CRACD: variants seen among roughly 807,000 people sequenced by gnomAD.
CRACD encodes the protein capping protein-inhibiting regulator of actin dynamics.
In CRACD, 56 loss-of-function variants were observed where a neutral mutation model predicts 106.8. The ratio of observed to expected loss-of-function variants is 0.52; its 90% CI spans 0.42 to 0.66. The LOEUF (loss-of-function observed/expected upper bound fraction) is 0.66. CRACD is among the 30% of genes least tolerant of loss of function. CRACD has a pLI of 0.00. For missense variants in CRACD, 1,730 were observed against 1,623.2 expected, an observed-to-expected ratio of 1.07 and a Z score of -1.13; for synonymous variants, 754 against 670.8, an observed-to-expected ratio of 1.12 and a Z score of -1.92.
intron 2 of CRACD, among the ~76,000 whole-genome samples, chr4:56,248,309 G>A (rs1740817692): frequency 6.6e-6 from 1 of 152,128 alleles, no homozygotes; most frequent in South Asian, 2.1e-4. Context: ...GAGGGACCTG[G>A]TGCCGCTCAT....
intron 1 of CRACD, among the ~76,000 whole-genome samples, chr4:56,110,346 C>G (rs1187652152): frequency 1.3e-5 from 2 of 152,028 alleles, no homozygotes; most frequent in Non-Finnish European, 2.9e-5. Context: ...TAGGAACTTA[C>G]TGGAAGATAT....
chr4:56,272,279 G>A lies in CRACD; in HGVS notation c.-188-42G>A, dbSNP rs141654322. 211 of 153,668 alleles carry A rather than the reference G, an allele frequency of 1.4e-3. 1 individual carries two copies. The highest frequency in any genetic ancestry group is 4.6e-3 in the African/African-American group (191 of 41,590). 9.5% of individuals were successfully genotyped at this position (153,668 alleles called of 1,614,324 possible). A position where few individuals can be genotyped will look rare whatever the true frequency, so the allele number is the denominator to read the frequency against. ...TTTGCTCCTTAGGCTTGGAAGTGCA[G>A]CCCTGCCACACTGCAGCATGTGTTT... On this transcript the variant is annotated intron_variant, in intron 2 of 10. Coordinates refer to ENST00000682029, the MANE Select transcript of CRACD (RefSeq NM_001393381.1).
intron 1 of CRACD, among the ~76,000 whole-genome samples, chr4:56,080,497 A>T (rs2412718): frequency 1.3e-5 from 2 of 152,038 alleles, no homozygotes; most frequent in South Asian, 4.1e-4. Flanking sequence ...GCCAGGAAGT[A>T]CTACATCATT....
chr4:56,215,634 CAAT>C (rs754973559), intron 2 of CRACD, among the ~76,000 whole-genome samples: 12 of 152,142 alleles, frequency 7.9e-5, no homozygotes, highest in Middle Eastern at 3.2e-3. Flanking sequence ...GTCTCTAGCA[CAAT>C]GTTACACATA....
At position 56,298,239 on chromosome 4, in the gene CRACD, C is replaced by T. The variant is rs141400149; in HGVS notation, c.10C>T (p.Arg4Trp). 2.9e-4 allele frequency: 471 copies of T among 1,613,976 alleles called. 2 individuals are homozygous for T. The African/African-American group carries it at 5.1e-3, about 18-fold the overall frequency. Residue 4 changes from arginine to tryptophan, a missense_variant, in exon 4 of 11, where the codon CGG (arginine) becomes TGG (tryptophan). Physicochemically the swap from Arg to Trp is moderately radical, Grantham distance 101. This residue lies in a region of CRACD where 1,620 missense variants were observed against 1,481.6 expected (regional missense o/e 1.09). Coordinates refer to ENST00000682029, the MANE Select transcript of CRACD (RefSeq NM_001393381.1). Reference protein sequence around the residue: MGTRAFSHDSIFIP... With the variant: MGTWAFSHDSIFIP... ...GTCCTTCAACTATTCTATGGGAACC[C>T]GGGCATTTTCCCATGACAGTATTTT...
At chr4:56,078,523 C>T (rs1732916538) in intron 1 of CRACD, among the ~76,000 whole-genome samples, 1 of 152,164 alleles carries the variant, frequency 6.6e-6, no homozygotes, top group Non-Finnish European at 1.5e-5. Flanking sequence ...CCTCCTGCCT[C>T]AGCCTCCTGA....
At chr4:56,208,394 T>C (rs1738234249) in intron 2 of CRACD, among the ~76,000 whole-genome samples, 1 of 152,186 alleles carries the variant, frequency 6.6e-6, no homozygotes, top group South Asian at 2.1e-4. Flanking sequence ...TCGATTGTTC[T>C]CAGTCAGTGG....
At chr4:56,195,697 TAAAC>T (rs1165473337) in intron 2 of CRACD, among the ~76,000 whole-genome samples, 1 of 152,212 alleles carries the variant, frequency 6.6e-6, no homozygotes, top group Non-Finnish European at 1.5e-5. Context: ...ATTTTTCTAA[TAAAC>T]AACCTCTGTA....
intron 2 of CRACD, among the ~76,000 whole-genome samples, chr4:56,266,401 G>T (rs1318726946): frequency 6.6e-6 from 1 of 152,170 alleles, no homozygotes; most frequent in Admixed American, 6.5e-5. Flanking sequence ...AACTAGAGCT[G>T]CAGTGAGGAA....
chr4:56,166,379 A>C (rs563315966), intron 1 of CRACD, among the ~76,000 whole-genome samples: 34 of 152,302 alleles, frequency 2.2e-4, no homozygotes, highest in African/African-American at 7.5e-4. Flanking sequence ...ACAGATAAGT[A>C]AATTAAGAAA....
Position 56,313,248 on chromosome 4 carries a change from A to G in CRACD, c.406A>G (p.Thr136Ala). The G allele has an allele frequency of 6.2e-7, 1 of 1,614,158 alleles. No individual in the cohort carries two copies. Among genetic ancestry groups the G allele is most frequent in the Non-Finnish European group, 8.5e-7 (1 of 1,180,026 alleles). Residue 136 changes from threonine to alanine, a missense_variant, in exon 7 of 11, where the codon ACC (threonine) becomes GCC (alanine). Physicochemically the swap from Thr to Ala is moderately conservative, Grantham distance 58. This residue lies in a region of CRACD where 1,620 missense variants were observed against 1,481.6 expected (regional missense o/e 1.09). Transcript: ENST00000682029. ...RPKRHFSSAG[T>A]IESVNLDAIP... is the part of the protein sequence containing the mutation. Reference sequence around the variant, plus strand: ...AAAAAGGCACTTCTCTTCTGCTGGCACCATCGAAAGTGTCAACTTAGATGC... The same window carrying G: ...AAAAAGGCACTTCTCTTCTGCTGGCGCCATCGAAAGTGTCAACTTAGATGC...
intron 5 of CRACD, among the ~76,000 whole-genome samples, chr4:56,309,898 C>G (rs1044678982): frequency 6.6e-6 from 1 of 151,612 alleles, no homozygotes; most frequent in East Asian, 1.9e-4. Flanking sequence ...CCAGACGTGG[C>G]ACATGCCTCT....
intron 2 of CRACD, among the ~76,000 whole-genome samples, chr4:56,183,898 C>T (rs1041594546): frequency 2.6e-5 from 4 of 152,124 alleles, no homozygotes; most frequent in African/African-American, 9.7e-5. Flanking sequence ...CTTGTAGTTT[C>T]CTTTCAAGGT....
At chr4:56,248,488 C>T (rs1031435884) in intron 2 of CRACD, among the ~76,000 whole-genome samples, 4 of 147,438 alleles carry the variant, frequency 2.7e-5, no homozygotes, top group African/African-American at 7.6e-5. Flanking sequence ...CATCAAGGCT[C>T]AATGCATTAT....
At position 56,207,377 on chromosome 4, in the gene CRACD, G is replaced by T. The variant is rs1333777385; in HGVS notation, c.-189+27947G>T. 2.0e-5 allele frequency among the ~76,000 whole-genome samples: 3 copies of T among 152,312 alleles called. 1 individual carries two copies. The East Asian group carries it at 5.8e-4, about 29-fold the overall frequency. On this transcript the variant is annotated intron_variant, in intron 2 of 10. Transcript: ENST00000682029. ...ATTGCTTCATTTACTCCAAACCATG[G>T]AGAAAGAGACCTAACATGTGCTGCC...
At chr4:56,106,797 G>A (rs910024671) in intron 1 of CRACD, among the ~76,000 whole-genome samples, 19 of 152,122 alleles carry the variant, frequency 1.2e-4, no homozygotes, top group Non-Finnish European at 2.4e-4. Flanking sequence ...TGTCATGGTG[G>A]AAAAGCACAA....
chr4:56,087,548 C>T (rs1264951685), intron 1 of CRACD, among the ~76,000 whole-genome samples: 1 of 152,152 alleles, frequency 6.6e-6, no homozygotes, highest in Non-Finnish European at 1.5e-5. Flanking sequence ...CTGAAACCTT[C>T]TTCTTCCATA....
intron 1 of CRACD, among the ~76,000 whole-genome samples, chr4:56,138,644 A>G (rs1192921326): frequency 6.6e-6 from 1 of 152,156 alleles, no homozygotes; most frequent in African/African-American, 2.4e-5. Context: ...GACTTTATCT[A>G]TTAACTATCC....
intron 2 of CRACD, among the ~76,000 whole-genome samples, chr4:56,181,559 A>C (rs973530927): frequency 1.3e-5 from 2 of 152,222 alleles, no homozygotes; most frequent in African/African-American, 4.8e-5. Flanking sequence ...AAATTAGGCA[A>C]ACAGAGCTTA....
Sources: allele counts gnomAD v4.1 joint callset (sites outside exome capture counted in the v4.1 genomes callset), GRCh38; gene constraint gnomAD v4.1.1; regional missense constraint gnomAD v4.1.1; transcripts MANE v1.5; gene names NCBI Gene and HGNC (gene_info 2026-07-23, HGNC 2026-07-21).